Variants in PCDHA6 observed in about 807,000 individuals in gnomAD.
PCDHA6 encodes the protein protocadherin alpha 6, also known as protocadherin alpha-6.
A neutral mutation model predicts 60.3 loss-of-function variants in PCDHA6; 55 were observed. That is an observed-to-expected ratio of 0.91 (90% CI 0.73 to 1.14). The LOEUF is 1.14. PCDHA6 is among the 50% of genes most tolerant of loss of function. The probability of loss-of-function intolerance (pLI) is 0.00; values close to 1 mark genes in which losing one functional copy is unlikely to be tolerated. For missense variants in PCDHA6, 1,327 were observed against 1,256.5 expected (o/e 1.06, Z -0.85); for synonymous variants, 652 against 557.9 (o/e 1.17, Z -2.38).
intron 1 of PCDHA6, chr5:140,843,908 G>T: frequency 1.6e-6 from 1 of 638,262 alleles, no homozygotes. Context: ...TCCACAAGTT[G>T]GGTCTATCTT....
intron 1 of PCDHA6, among the ~76,000 whole-genome samples, chr5:140,918,975 T>C (rs141194276): frequency 6.6e-6 from 1 of 152,310 alleles, no homozygotes; most frequent in East Asian, 1.9e-4. Flanking sequence ...ATCGTTTAGG[T>C]TAGTTGGTTT....
chr5:140,964,880 C>T (rs2095860447), intron 1 of PCDHA6, among the ~76,000 whole-genome samples: 1 of 152,168 alleles, frequency 6.6e-6, no homozygotes, highest in Admixed American at 6.5e-5. Context: ...TAAGAAGCAG[C>T]AGTGATAGGA....
At chr5:140,878,451 T>A (rs2057595888) in intron 1 of PCDHA6, among the ~76,000 whole-genome samples, 1 of 152,250 alleles carries the variant, frequency 6.6e-6, no homozygotes, top group Non-Finnish European at 1.5e-5. Context: ...CTTATTTACA[T>A]GAAATATAAT....
chr5:140,839,394 TG>T (rs201675395), intron 1 of PCDHA6, among the ~76,000 whole-genome samples: 1,897 of 151,840 alleles, frequency 0.012, 32 homozygotes, highest in Middle Eastern at 0.017. Flanking sequence ...ATGATGATGA[TG>T]ATTATTATTT....
intron 1 of PCDHA6, chr5:140,834,503 A>C: frequency 1.2e-6 from 2 of 1,614,128 alleles, no homozygotes; most frequent in Non-Finnish European, 1.7e-6. Context: ...AGGAGGCTAA[A>C]CATGGCAACT....
intron 1 of PCDHA6, among the ~76,000 whole-genome samples, chr5:140,838,079 T>A (rs1373778941): frequency 4.7e-3 from 32 of 6,862 alleles, no homozygotes; most frequent in East Asian, 3.8e-3. Context: ...ATATATATAG[T>A]GTGTGTGTGT....
At chr5:140,926,998 G>C in intron 1 of PCDHA6, 1 of 1,612,288 alleles carries the variant, frequency 6.2e-7, no homozygotes, top group Non-Finnish European at 8.5e-7. Flanking sequence ...GGGCGTAGCC[G>C]TAGGCAATCT....
At chr5:140,968,190 C>A (rs782155295) in intron 1 of PCDHA6, 2 of 1,613,954 alleles carry the variant, frequency 1.2e-6, no homozygotes, top group African/African-American at 2.7e-5. Flanking sequence ...GACTCCTATT[C>A]CATCTACATA....
intron 1 of PCDHA6, chr5:140,843,028 G>T: frequency 6.3e-7 from 1 of 1,595,268 alleles, no homozygotes; most frequent in Non-Finnish European, 8.6e-7. Context: ...TGGAGCCTCG[G>T]GTGGGTGGCA....
intron 1 of PCDHA6, among the ~76,000 whole-genome samples, chr5:140,897,558 T>A (rs1413076305): frequency 3.3e-5 from 5 of 152,186 alleles, no homozygotes; most frequent in African/African-American, 1.2e-4. Context: ...ATGGTGTATA[T>A]GTGCCACATT....
chr5:140,991,121 C>G (rs1220661100), intron 3 of PCDHA6, among the ~76,000 whole-genome samples: 1 of 152,184 alleles, frequency 6.6e-6, no homozygotes, highest in Non-Finnish European at 1.5e-5. Context: ...TTCTTACATT[C>G]ACACAGCTAG....
At chr5:140,831,200 C>T (rs1157028423) in intron 1 of PCDHA6, 2 of 152,180 alleles carry the variant, frequency 1.3e-5, no homozygotes, top group African/African-American at 4.8e-5. Context: ...ACCTTGTGAT[C>T]AAGTAAATTT....
chr5:140,877,095 C>G, intron 1 of PCDHA6: 1 of 1,613,330 alleles, frequency 6.2e-7, no homozygotes, highest in Admixed American at 1.7e-5. Flanking sequence ...GCGACGCCGG[C>G]GTGCCGCCTC....
At position 140,972,813 on chromosome 5, in the gene PCDHA6, G is replaced by A. The variant is rs559474622; in HGVS notation, c.2395-6136G>A. Reference sequence around the variant, plus strand: ...TGAGTAGCTGAGATTACAGGCACGCGCCACCACGCCTGGCTAATTTTTGTA... The same window carrying A: ...TGAGTAGCTGAGATTACAGGCACGCACCACCACGCCTGGCTAATTTTTGTA... On this transcript the variant is annotated intron_variant, in intron 1 of 3. Transcript: ENST00000529310. Among the ~76,000 whole-genome samples, 11 of 151,984 alleles carry A rather than the reference G, an allele frequency of 7.2e-5. No individual in the cohort carries two copies. In the East Asian group the frequency reaches 1.2e-3, roughly 16 times the overall value.
At position 140,828,434 on chromosome 5, in the gene PCDHA6, C is replaced by T; in HGVS notation, c.343C>T (p.Gln115Ter). The T allele has an allele frequency of 1.9e-6, 3 of 1,614,258 alleles. No homozygotes were observed. Among genetic ancestry groups the T allele is most frequent in the South Asian group, 2.2e-5 (2 of 91,090 alleles). The change falls in exon 1 of 4, where the codon CAG becomes TAG. Residue 115 changes from glutamine (Q) to a stop codon, truncating the protein, a stop_gained. Transcript: ENST00000529310. LOFTEE classifies it high-confidence loss of function. ...HLEVIVDRPL[Q>*]VFHVDVEVRD... is the part of the protein sequence containing the mutation. ...GGAGGTGATCGTGGACAGGCCGCTG[C>T]AGGTTTTCCATGTGGACGTGGAGGT... is the stretch of plus-strand genomic sequence containing the variant.
In PCDHA6 at chr5:140,857,042, C is replaced by T. The variant is rs147770909; in HGVS notation, c.2394+26557C>T. The T allele has an allele frequency of 1.1e-5, 18 of 1,595,436 alleles. 1 individual carries two copies. In the African/African-American group the frequency reaches 1.2e-4, roughly 11 times the overall value. ...TAAGGGAAACCCACCTATGGTTGGTCACTGCACGGTCCTAGTGGAACTACT... is the reference window on the plus strand; with the variant it reads ...TAAGGGAAACCCACCTATGGTTGGTTACTGCACGGTCCTAGTGGAACTACT... On this transcript the variant is annotated intron_variant, in intron 1 of 3. Coordinates refer to ENST00000529310, the MANE Select transcript of PCDHA6 (RefSeq NM_018909.4).
intron 1 of PCDHA6, among the ~76,000 whole-genome samples, chr5:140,903,731 T>C (rs1554191096): frequency 6.6e-6 from 1 of 152,238 alleles, no homozygotes; most frequent in South Asian, 2.1e-4. Context: ...CTATTATCAA[T>C]TATTACAGAA....
intron 1 of PCDHA6, among the ~76,000 whole-genome samples, chr5:140,965,098 A>G (rs1554227430): frequency 6.6e-6 from 1 of 152,244 alleles, no homozygotes; most frequent in African/African-American, 2.4e-5. Flanking sequence ...GTCCATAGCT[A>G]GAAAATGACC....
At chr5:140,882,247 T>C in intron 1 of PCDHA6, 1 of 1,594,292 alleles carries the variant, frequency 6.3e-7, no homozygotes, top group Non-Finnish European at 8.6e-7. Context: ...TGCAGATAGC[T>C]CTGAGGTTTT....
Sources: gnomAD v4.1 joint callset for allele counts (sites outside exome capture counted in the v4.1 genomes callset) on GRCh38, gnomAD v4.1.1 for gene constraint, MANE v1.5 for transcripts, NCBI Gene and HGNC (gene_info 2026-07-23, HGNC 2026-07-21) for gene names.